PLOD2: variants seen among roughly 807,000 people sequenced by gnomAD.
The protein encoded by PLOD2 is procollagen-lysine,2-oxoglutarate 5-dioxygenase 2, also known as lysine hydroxylase 2.
In PLOD2, 65 loss-of-function variants were observed where a neutral mutation model predicts 101.0. The observed-to-expected ratio is 0.64, with a 90% confidence interval of 0.53 to 0.79. The LOEUF is 0.79. PLOD2 is among the 30% of genes least tolerant of loss of function. The pLI is 0.00. For missense variants in PLOD2, 909 were observed against 914.6 expected, an observed-to-expected ratio of 0.99 and a Z score of 0.08; for synonymous variants, 314 against 302.9, an observed-to-expected ratio of 1.04 and a Z score of -0.38.
At chr3:146,134,810 C>T (rs1412594448) in intron 1 of PLOD2, among the ~76,000 whole-genome samples, 1 of 152,164 alleles carries the variant, frequency 6.6e-6, no homozygotes, top group Non-Finnish European at 1.5e-5. Flanking sequence ...TATGCTTAGG[C>T]AAGCCATGCT....
At position 146,114,108 on chromosome 3, in the gene PLOD2, T is replaced by C. The variant is rs551929577; in HGVS notation, c.339-3660A>G. ...GCCTAGTAAATTTTAGTCAGACCAG[T>C]TGTCTGCTCTCAAACCCTGTCTCCT... On this transcript the variant is annotated intron_variant, in intron 3 of 19. Transcript: ENST00000282903. Among the ~76,000 whole-genome samples the C allele has an allele frequency of 2.6e-5, 4 of 152,178 alleles. No individual in the cohort carries two copies. In the East Asian group the frequency reaches 5.8e-4, roughly 22 times the overall value.
chr3:146,132,027 A>C (rs1640515169), intron 1 of PLOD2, among the ~76,000 whole-genome samples: 1 of 152,190 alleles, frequency 6.6e-6, no homozygotes, highest in South Asian at 2.1e-4. Flanking sequence ...TAAAGAAAAA[A>C]GTCACTTCCA....
intron 6 of PLOD2, among the ~76,000 whole-genome samples, chr3:146,103,861 AC>A (rs1937480463): frequency 8.5e-6 from 1 of 117,852 alleles, no homozygotes; most frequent in Non-Finnish European, 1.8e-5. Flanking sequence ...ACACACACAC[AC>A]ACACACTCTT....
chr3:146,123,008 CAT>C lies in PLOD2; in HGVS notation c.201+1128_201+1129del, dbSNP rs931731779. The stretch of plus-strand genomic sequence containing the variant: ...ATCTATCATAGTAACATATTTCTAA[CAT>C]GTTTTTCATTTATCCTATATTAAAC... On this transcript the variant is annotated intron_variant, in intron 2 of 19. Transcript: ENST00000282903. 4.6e-5 allele frequency among the ~76,000 whole-genome samples: 7 copies of C among 152,224 alleles called. No homozygotes were observed. In the South Asian group the frequency reaches 1.5e-3, roughly 32 times the overall value.
chr3:146,085,143 A>G lies in PLOD2; in HGVS notation c.1232+26T>C, dbSNP rs754186459. ...ATGAAAAATAATCATTTTAACAATA[A>G]ATTGATATCGAATTTTAGAAAGTAC... On this transcript the variant is annotated intron_variant, in intron 11 of 19. Coordinates refer to ENST00000282903, the MANE Select transcript of PLOD2 (RefSeq NM_182943.3). The G allele has an allele frequency of 8.0e-5, 79 of 992,896 alleles. 1 individual carries two copies. Among genetic ancestry groups the G allele is most frequent in the Non-Finnish European group, 5.8e-5 (36 of 616,220 alleles). 61.5% of individuals were successfully genotyped at this position (992,896 alleles called of 1,614,324 possible).
chr3:146,106,573 GATC>G lies in PLOD2; in HGVS notation c.571_573del (p.Asp191del). On this transcript the variant is annotated inframe_deletion, in exon 5 of 20. Coordinates refer to ENST00000282903, the MANE Select transcript of PLOD2 (RefSeq NM_182943.3). ...ATGTAAACTTTAGTGTAAAAGAGCT[GATC>G]ATCATCATTATCCTGGAGATTCCAT... 1.3e-6 allele frequency: 2 copies of G among 1,592,968 alleles called. No individual in the cohort carries two copies. The highest frequency in any genetic ancestry group is 8.6e-7 in the Non-Finnish European group (1 of 1,160,876).
intron 1 of PLOD2, among the ~76,000 whole-genome samples, chr3:146,135,176 C>T (rs956477747): frequency 2.0e-5 from 3 of 152,170 alleles, no homozygotes; most frequent in African/African-American, 7.2e-5. Flanking sequence ...AGCAGCCCAT[C>T]CTCATACTGT....
At chr3:146,154,563 A>G (rs1161313138) in intron 1 of PLOD2, among the ~76,000 whole-genome samples, 2 of 152,206 alleles carry the variant, frequency 1.3e-5, no homozygotes, top group African/African-American at 4.8e-5. Flanking sequence ...CCTGGTTAAA[A>G]TTTAATTACA....
In PLOD2 at chr3:146,090,589, A is replaced by T. The variant is rs191088788; in HGVS notation, c.879+1211T>A. 2.3e-3 allele frequency among the ~76,000 whole-genome samples: 355 copies of T among 151,820 alleles called. 2 individuals carry two copies. The highest frequency in any genetic ancestry group is 8.2e-3 in the African/African-American group (340 of 41,536). On this transcript the variant is annotated intron_variant, in intron 8 of 19. Transcript: ENST00000282903. ...ATCTTCATGATGCAGCTTCATTCAG[A>T]AATATTCTGGCATTCTTTGCAGATA...
chr3:146,088,711 C>T lies in PLOD2; in HGVS notation c.880G>A (p.Val294Ile). 4 of 1,603,140 alleles carry T rather than the reference C, an allele frequency of 2.5e-6. No homozygotes were observed. Among genetic ancestry groups the T allele is most frequent in the Non-Finnish European group, 3.4e-6 (4 of 1,171,230 alleles). Reference protein sequence around the residue: ...FDTVDLSAVDVHPNVSIGVFI... With the variant: ...FDTVDLSAVDIHPNVSIGVFI... The stretch of plus-strand genomic sequence containing the variant: ...ACACCTATTGATACGTTTGGATGGA[C>T]CTTTGTTTTACACCAAACATAAAAA... The change falls in exon 9 of 20, where the codon GTC (valine) becomes ATC (isoleucine). Residue 294 changes from valine to isoleucine, a missense_variant and splice_region_variant. By Grantham distance (29) the Val-to-Ile change is conservative (BLOSUM62 3). Coordinates refer to ENST00000282903, the MANE Select transcript of PLOD2 (RefSeq NM_182943.3).
intron 11 of PLOD2, among the ~76,000 whole-genome samples, chr3:146,083,977 GAAT>G (rs1365435757): frequency 6.6e-6 from 1 of 151,494 alleles, no homozygotes; most frequent in Non-Finnish European, 1.5e-5. Flanking sequence ...TTCACTAAGA[GAAT>G]AATTAATAAA....
In PLOD2 at chr3:146,072,543, T is replaced by C; in HGVS notation, c.1848+18A>G. The C allele has an allele frequency of 6.8e-7, 1 of 1,462,980 alleles. No homozygotes were observed. Among genetic ancestry groups the C allele is most frequent in the Non-Finnish European group, 9.6e-7 (1 of 1,043,150 alleles). 90.6% of individuals were successfully genotyped at this position (1,462,980 alleles called of 1,614,324 possible). On this transcript the variant is annotated intron_variant, in intron 17 of 19. Transcript: ENST00000282903. Reference sequence around the variant, plus strand: ...CCCCCACATACATTTTAGTTCTTAGTGTGAAATTACAACTTACATGATGTT... The same window carrying C: ...CCCCCACATACATTTTAGTTCTTAGCGTGAAATTACAACTTACATGATGTT...
At chr3:146,100,250 T>G (rs539652617) in intron 7 of PLOD2, among the ~76,000 whole-genome samples, 5 of 152,312 alleles carry the variant, frequency 3.3e-5, no homozygotes, top group Non-Finnish European at 7.4e-5. Flanking sequence ...CCAAGAATAA[T>G]GCTAGGTCAT....
chr3:146,151,721 T>A (rs2032064685), intron 1 of PLOD2, among the ~76,000 whole-genome samples: 1 of 152,178 alleles, frequency 6.6e-6, no homozygotes, highest in African/African-American at 2.4e-5. Flanking sequence ...TACATTATTT[T>A]CCCTGTAAGA....
chr3:146,097,506 C>A, intron 7 of PLOD2, among the ~76,000 whole-genome samples: 1 of 107,902 alleles, frequency 9.3e-6, no homozygotes, highest in Non-Finnish European at 1.9e-5. Flanking sequence ...TATCCCCAAC[C>A]CTGTGCTCTC....
At position 146,077,901 on chromosome 3, in the gene PLOD2, G is replaced by A. The variant is rs1576574168; in HGVS notation, c.1524C>T (p.Ser508=). ...REMTLQREKD[S]PTPETFQMLS... The stretch of plus-strand genomic sequence containing the variant: ...GCATTTGGAATGTTTCCGGAGTAGG[G>A]GAGTCTTTTTCCCTTTGTAAAGTCT... Residue 508 remains serine, a synonymous_variant, in exon 14 of 20, where the codon TCC becomes TCT. Transcript: ENST00000282903. 5 of 1,601,186 alleles carry A rather than the reference G, an allele frequency of 3.1e-6. No individual in the cohort carries two copies. The East Asian group carries it at 8.9e-5, about 29-fold the overall frequency.
intron 1 of PLOD2, among the ~76,000 whole-genome samples, chr3:146,140,805 T>G (rs1260770946): frequency 2.0e-5 from 3 of 152,124 alleles, no homozygotes; most frequent in Non-Finnish European, 4.4e-5. Flanking sequence ...TCTTGAGGAC[T>G]CATGATCACT....
chr3:146,126,805 T>C (rs923475321), intron 1 of PLOD2, among the ~76,000 whole-genome samples: 39 of 138,128 alleles, frequency 2.8e-4, no homozygotes, highest in African/African-American at 9.0e-4. Context: ...TTTTTTAGCA[T>C]GCTAATTTCA....
At chr3:146,122,372 C>T (rs1029314271) in intron 2 of PLOD2, among the ~76,000 whole-genome samples, 9 of 152,174 alleles carry the variant, frequency 5.9e-5, no homozygotes, top group Non-Finnish European at 1.5e-5. Context: ...ATCCCTAATC[C>T]TAATGCAACA....
Sources: allele counts gnomAD v4.1 joint callset (sites outside exome capture counted in the v4.1 genomes callset), GRCh38; gene constraint gnomAD v4.1.1; transcripts MANE v1.5; gene names NCBI Gene and HGNC (gene_info 2026-07-23, HGNC 2026-07-21).